Variants in FMR1 observed in about 807,000 individuals in gnomAD.
FMR1 encodes FMRP translational regulator 1.
Under a neutral mutation model 50.6 loss-of-function variants are expected in FMR1, and 13 were observed. The ratio of observed to expected loss-of-function variants is 0.26; its 90% CI spans 0.17 to 0.41. FMR1 has a LOEUF of 0.41. FMR1 is among the 10% of genes least tolerant of loss of function. The pLI, the probability that FMR1 is intolerant of heterozygous loss-of-function variation, is 1.00. For synonymous variants in FMR1, 138 were observed against 164.1 expected (o/e 0.84, Z 1.22); for missense variants, 316 against 491.3 (o/e 0.64, Z 3.37).
intron 12 of FMR1, among the ~76,000 whole-genome samples, chrX:147,939,264 T>TC (rs1482421519): frequency 1.8e-5 from 2 of 109,985 alleles, no homozygotes; most frequent in African/African-American, 3.4e-5. Flanking sequence ...GTTTTTTTTT[T>TC]CCCTCTTAAT....
chrX:147,927,050 T>C (rs951645400), intron 3 of FMR1, among the ~76,000 whole-genome samples: 1 of 112,126 alleles, frequency 8.9e-6, no homozygotes, highest in Non-Finnish European at 1.9e-5. Flanking sequence ...TATAGTGTTA[T>C]TTATTTTCCA....
At chrX:147,928,435 C>G in intron 4 of FMR1, 42 bp downstream of exon 4, 2 of 1,054,088 alleles carry the variant, frequency 1.9e-6, no homozygotes, top group Non-Finnish European at 2.7e-6. Flanking sequence ...ATATTGTTTC[C>G]TTTTTTTAAA....
intron 1 of FMR1, among the ~76,000 whole-genome samples, chrX:147,914,986 G>A (rs1291958645): frequency 8.9e-6 from 1 of 111,832 alleles, no homozygotes; most frequent in Non-Finnish European, 1.9e-5. Flanking sequence ...TGTAGGTTTT[G>A]TGTACTAGTA....
rs200381008 is a variant in FMR1, at chrX:147,937,612, T to A, written c.1125+12T>A. On this transcript the variant is annotated intron_variant, in intron 11 of 16. Coordinates refer to ENST00000370475, the MANE Select transcript of FMR1 (RefSeq NM_002024.6). ...CAAAAGTCCAGAGGGTAAGAATTACTTGTCACTTTGAATTACAATACAAGT... is the reference window on the plus strand; with the variant it reads ...CAAAAGTCCAGAGGGTAAGAATTACATGTCACTTTGAATTACAATACAAGT... The A allele has an allele frequency of 3.9e-4, 305 of 778,570 alleles. 2 individuals are homozygous for A. In the East Asian group the frequency reaches 7.5e-3, roughly 19 times the overall value. The allele number at this position is 778,570 out of a possible 1,213,427, so 64.2% of individuals were successfully genotyped here. A position where few individuals can be genotyped will look rare whatever the true frequency, so the allele number is the denominator to read the frequency against.
chrX:147,931,242 A>G (rs981749733), intron 7 of FMR1, among the ~76,000 whole-genome samples: 5 of 111,818 alleles, frequency 4.5e-5, no homozygotes, highest in Non-Finnish European at 9.4e-5. Flanking sequence ...AAATATACTC[A>G]TATGCCTCTT....
At chrX:147,935,467 G>A (rs782412945) in intron 9 of FMR1, among the ~76,000 whole-genome samples, 6 of 112,275 alleles carry the variant, frequency 5.3e-5, no homozygotes, top group African/African-American at 1.3e-4. Context: ...CTTTAAAGGC[G>A]AAAAGGAAAA....
chrX:147,943,630 T>C (rs2044080173), intron 14 of FMR1: 2 of 289,652 alleles, frequency 6.9e-6, no homozygotes, highest in Non-Finnish European at 1.2e-5. Context: ...ACTTTTTTCA[T>C]TTGTGTACTG....
intron 3 of FMR1, chrX:147,927,802 A>G (rs113637030): frequency 0.1 from 11,408 of 111,951 alleles, 545 homozygotes; most frequent in African/African-American, 0.17. Flanking sequence ...GGAGACCAGA[A>G]AGTGACCAAG....
chrX:147,949,294 T>C lies in FMR1; in HGVS notation c.*450T>C, dbSNP rs1488145155. ...TCATTTCATGTCCTGTGTCAGTTTA[T>C]GTTTTGGTCCACTTTTCCAGTATTT... is the stretch of plus-strand genomic sequence containing the variant. On this transcript the variant is annotated 3_prime_UTR_variant, in exon 17 of 17. Coordinates refer to ENST00000370475, the MANE Select transcript of FMR1 (RefSeq NM_002024.6). The C allele has an allele frequency of 3.1e-6, 1 of 327,836 alleles. No homozygotes were observed. Among genetic ancestry groups the C allele is most frequent in the Non-Finnish European group, 5.9e-6 (1 of 170,144 alleles). 27.0% of individuals were successfully genotyped at this position (327,836 alleles called of 1,213,427 possible).
At position 147,936,185 on chromosome X, in the gene FMR1, G is replaced by A. The variant is rs781868887; in HGVS notation, c.881-319G>A. On this transcript the variant is annotated intron_variant, in intron 9 of 16. Coordinates refer to ENST00000370475, the MANE Select transcript of FMR1 (RefSeq NM_002024.6). ...ACCACAGTACCAGCAAGTTTAAAGC[G>A]TACCCTTTTGTGCAAAAATAAGAGG... Among the ~76,000 whole-genome samples, 446 of 111,788 alleles carry A rather than the reference G, an allele frequency of 4.0e-3. 1 individual carries two copies. Among genetic ancestry groups the A allele is most frequent in the African/African-American group, 0.014 (433 of 30,792 alleles).
intron 11 of FMR1, 141 bp from the exon 12 acceptor site, chrX:147,937,958 T>G (rs1187301316): frequency 1.1e-5 from 6 of 562,721 alleles, no homozygotes; most frequent in Non-Finnish European, 1.9e-5. Context: ...TGAACCATAT[T>G]TTAGAAACTA....
Position 147,936,556 on chromosome X carries a change from A to C in FMR1, c.933A>C (p.Ser311=). The change falls in exon 10 of 17, where the codon TCA becomes TCC. Residue 311 remains serine (S), a synonymous_variant. Coordinates refer to ENST00000370475, the MANE Select transcript of FMR1 (RefSeq NM_002024.6). ...GKLIQEIVDK[S]GVVRVRIEAE... ...TGATTCAGGAGATTGTGGACAAGTCAGGAGTTGTGAGGGTGAGGATTGAGG... is the reference window on the plus strand; with the variant it reads ...TGATTCAGGAGATTGTGGACAAGTCCGGAGTTGTGAGGGTGAGGATTGAGG... 1 of 1,200,469 alleles carries C rather than the reference A, an allele frequency of 8.3e-7. No individual in the cohort carries two copies. The highest frequency in any genetic ancestry group is 1.1e-6 in the Non-Finnish European group (1 of 885,046).
Position 147,943,215 on chromosome X carries a change from C to T in FMR1, c.1360C>T (p.Arg454Cys). ...AGCTAGTTCTAGACCACCACCAAAT[C>T]GTACAGATAAGGAAAAAAGCTATGT... The part of the protein sequence containing the change: ...IGASSRPPPN[R>C]TDKEKSYVTD... The change falls in exon 14 of 17, where the codon CGT becomes TGT. Residue 454 changes from arginine (R) to cysteine (C), a missense_variant. By Grantham distance (180) the Arg-to-Cys change is radical (BLOSUM62 -3). This residue lies in a region of FMR1 where 124 missense variants were observed against 160.8 expected (regional missense o/e 0.77). Coordinates refer to ENST00000370475, the MANE Select transcript of FMR1 (RefSeq NM_002024.6). 1 of 1,209,660 alleles carries T rather than the reference C, an allele frequency of 8.3e-7. No homozygotes were observed. Among genetic ancestry groups the T allele is most frequent in the Non-Finnish European group, 1.1e-6 (1 of 893,968 alleles).
Position 147,951,100 on chromosome X carries a change from A to G in FMR1, c.*2256A>G. 1.3e-5 allele frequency: 3 copies of G among 228,265 alleles called. No individual in the cohort carries two copies. Among genetic ancestry groups the G allele is most frequent in the Non-Finnish European group, 2.5e-5 (3 of 120,975 alleles). 18.8% of individuals were successfully genotyped at this position (228,265 alleles called of 1,213,427 possible). A position where few individuals can be genotyped will look rare whatever the true frequency, so the allele number is the denominator to read the frequency against. On this transcript the variant is annotated 3_prime_UTR_variant, in exon 17 of 17. Coordinates refer to ENST00000370475, the MANE Select transcript of FMR1 (RefSeq NM_002024.6). ...ATCTAGATGTAAATTTTTATTAAAA[A>G]GTTGCACTTATGAAAAAGCAAAAAA...
In FMR1 at chrX:147,937,601, G is replaced by T; in HGVS notation, c.1125+1G>T. On this transcript the variant is annotated splice_donor_variant, in intron 11 of 16. Transcript: ENST00000370475. LOFTEE classifies it high-confidence loss of function. ...ACCTAACAGTACAAAAGTCCAGAGG[G>T]TAAGAATTACTTGTCACTTTGAATT... 1.2e-6 allele frequency: 1 copy of T among 845,553 alleles called. No homozygotes were observed. Among genetic ancestry groups the T allele is most frequent in the Non-Finnish European group, 1.8e-6 (1 of 561,866 alleles). 69.7% of individuals were successfully genotyped at this position (845,553 alleles called of 1,213,427 possible).
intron 9 of FMR1, among the ~76,000 whole-genome samples, chrX:147,933,022 A>G (rs1180437358): frequency 9.5e-6 from 1 of 104,963 alleles, no homozygotes; most frequent in Non-Finnish European, 2.0e-5. Context: ...CATTAGGTAT[A>G]TCTCCCAACG....
intron 2 of FMR1, among the ~76,000 whole-genome samples, chrX:147,923,361 A>G (rs187847594): frequency 3.5e-4 from 39 of 112,242 alleles, no homozygotes; most frequent in South Asian, 1.1e-3. Context: ...GCAATAGACA[A>G]CAGCATCACA....
At chrX:147,940,483 C>T (rs1362551675) in intron 12 of FMR1, 93 bp from the exon 13 acceptor site, 1 of 602,459 alleles carries the variant, frequency 1.7e-6, no homozygotes, top group Non-Finnish European at 2.9e-6. Context: ...TGCTGTTCAC[C>T]AGATCCTGTG....
chrX:147,949,996 A>G lies in FMR1; in HGVS notation c.*1152A>G, dbSNP rs957483130. On this transcript the variant is annotated 3_prime_UTR_variant, in exon 17 of 17. Coordinates refer to ENST00000370475, the MANE Select transcript of FMR1 (RefSeq NM_002024.6). ...TAATGTTTAAGCAGAATTGGAAAAGACTAAGATCGGTTAACAAATAACAAC... is the reference window on the plus strand; with the variant it reads ...TAATGTTTAAGCAGAATTGGAAAAGGCTAAGATCGGTTAACAAATAACAAC... The G allele has an allele frequency of 3.2e-6, 1 of 315,999 alleles. No individual in the cohort carries two copies. Among genetic ancestry groups the G allele is most frequent in the African/African-American group, 2.7e-5 (1 of 36,551 alleles). The allele number at this position is 315,999 out of a possible 1,213,427, so 26.0% of individuals were successfully genotyped here.
Sources: allele counts gnomAD v4.1 joint callset (sites outside exome capture counted in the v4.1 genomes callset), GRCh38; gene constraint gnomAD v4.1.1; regional missense constraint gnomAD v4.1.1; transcripts MANE v1.5; gene names NCBI Gene and HGNC (gene_info 2026-07-23, HGNC 2026-07-21).